Variants in ARHGAP15 observed in about 807,000 individuals in gnomAD.
ARHGAP15 encodes rho GTPase-activating protein 15.
In ARHGAP15, 51 loss-of-function variants were observed where a neutral mutation model predicts 63.7. That is an observed-to-expected ratio of 0.80 (90% confidence interval 0.64 to 1.01). The LOEUF is 1.01. Among genes scored for constraint, ARHGAP15 ranks in the 50% least tolerant of loss-of-function variants. The pLI, the probability that ARHGAP15 is intolerant of heterozygous loss-of-function variation, is 0.00. For missense variants in ARHGAP15, 560 were observed against 564.6 expected, an observed-to-expected ratio of 0.99 and a Z score of 0.08; for synonymous variants, 191 against 193.8, an observed-to-expected ratio of 0.99 and a Z score of 0.12.
chr2:143,392,929 A>AG (rs1687597469), intron 6 of ARHGAP15, among the ~76,000 whole-genome samples: 1 of 152,178 alleles, frequency 6.6e-6, no homozygotes, highest in Non-Finnish European at 1.5e-5. Context: ...TAGATAAAAA[A>AG]AACCTCATAG....
At chr2:143,613,790 C>T (rs1006684880) in intron 11 of ARHGAP15, among the ~76,000 whole-genome samples, 3 of 152,110 alleles carry the variant, frequency 2.0e-5, no homozygotes, top group African/African-American at 7.2e-5. Context: ...TACATCAGAG[C>T]CTCTCAGCTG....
chr2:143,762,828 G>A (rs938476072), intron 13 of ARHGAP15, among the ~76,000 whole-genome samples: 1 of 152,112 alleles, frequency 6.6e-6, no homozygotes, highest in South Asian at 2.1e-4. Flanking sequence ...TTTTCGTGAA[G>A]CATATCAGAG....
chr2:143,180,085 C>T (rs995994488), intron 2 of ARHGAP15, among the ~76,000 whole-genome samples: 11 of 152,286 alleles, frequency 7.2e-5, no homozygotes, highest in Non-Finnish European at 2.9e-5. Context: ...AATAAGTCCA[C>T]AGTGAAGTTT....
intron 6 of ARHGAP15, among the ~76,000 whole-genome samples, chr2:143,291,433 G>T: frequency 9.5e-6 from 1 of 105,712 alleles, no homozygotes. Context: ...GACACACTCA[G>T]GCACATACAT....
chr2:143,146,978 T>A (rs1267282763), intron 1 of ARHGAP15, among the ~76,000 whole-genome samples: 1 of 152,034 alleles, frequency 6.6e-6, no homozygotes, highest in African/African-American at 2.4e-5. Flanking sequence ...CTTCCACATA[T>A]TTGAACCCTG....
intron 13 of ARHGAP15, among the ~76,000 whole-genome samples, chr2:143,765,109 A>ATATGTG (rs1686903069): frequency 6.8e-6 from 1 of 147,518 alleles, no homozygotes; most frequent in African/African-American, 2.5e-5. Flanking sequence ...CCTCTAAAAT[A>ATATGTG]TGTGTGTGTG....
chr2:143,213,869 T>C (rs1268419160), intron 3 of ARHGAP15, among the ~76,000 whole-genome samples: 1 of 152,248 alleles, frequency 6.6e-6, no homozygotes, highest in African/African-American at 2.4e-5. Context: ...ATGACAATGA[T>C]GTCACATTTA....
At chr2:143,655,739 A>C (rs1681400591) in intron 12 of ARHGAP15, among the ~76,000 whole-genome samples, 1 of 152,192 alleles carries the variant, frequency 6.6e-6, no homozygotes, top group African/African-American at 2.4e-5. Flanking sequence ...TAGACCAAAA[A>C]CAAGAATCAG....
At chr2:143,558,138 G>T (rs905800699) in intron 11 of ARHGAP15, among the ~76,000 whole-genome samples, 3 of 152,088 alleles carry the variant, frequency 2.0e-5, no homozygotes, top group Admixed American at 6.6e-5. Flanking sequence ...TTCCCACTTA[G>T]CTTCTATAAT....
intron 6 of ARHGAP15, among the ~76,000 whole-genome samples, chr2:143,376,036 C>T (rs1194354471): frequency 6.6e-6 from 1 of 152,216 alleles, no homozygotes; most frequent in Admixed American, 6.5e-5. Context: ...TCATCTCTGA[C>T]ATCTTCAACT....
At chr2:143,719,401 C>G (rs1313185408) in intron 13 of ARHGAP15, among the ~76,000 whole-genome samples, 1 of 152,168 alleles carries the variant, frequency 6.6e-6, no homozygotes, top group Non-Finnish European at 1.5e-5. Flanking sequence ...GATATGTTAT[C>G]TAAATCAGAA....
chr2:143,289,773 C>G (rs1682295470), intron 6 of ARHGAP15, among the ~76,000 whole-genome samples: 1 of 152,082 alleles, frequency 6.6e-6, no homozygotes, highest in Non-Finnish European at 1.5e-5. Context: ...CAATTCTTAC[C>G]TAGTGGCTTT....
At position 143,576,580 on chromosome 2, in the gene ARHGAP15, C is replaced by T. The variant is rs115328415; in HGVS notation, c.1003+20095C>T. Among the ~76,000 whole-genome samples, 1,498 of 152,092 alleles carry T rather than the reference C, an allele frequency of 9.8e-3. 12 individuals are homozygous for T. The highest frequency in any genetic ancestry group is 0.041 in the Middle Eastern group (12 of 294). ...ACATCTGAGTCTTACACTCTATCGA[C>T]GTAATCATGAACACAAATCTTTTAA... On this transcript the variant is annotated intron_variant, in intron 11 of 13. Coordinates refer to ENST00000295095, the MANE Select transcript of ARHGAP15 (RefSeq NM_018460.4).
intron 8 of ARHGAP15, among the ~76,000 whole-genome samples, chr2:143,443,447 C>T (rs1400350940): frequency 3.8e-4 from 57 of 148,872 alleles, no homozygotes; most frequent in African/African-American, 1.4e-3. Flanking sequence ...TTTTTTTCCC[C>T]AAAATAACTA....
chr2:143,719,479 T>C (rs1301014280), intron 13 of ARHGAP15, among the ~76,000 whole-genome samples: 1 of 152,112 alleles, frequency 6.6e-6, no homozygotes, highest in East Asian at 1.9e-4. Context: ...CTCAAACACA[T>C]CTCTTCTTTG....
At chr2:143,158,446 T>A (rs749589914) in intron 2 of ARHGAP15, among the ~76,000 whole-genome samples, 4 of 151,800 alleles carry the variant, frequency 2.6e-5, no homozygotes, top group Non-Finnish European at 2.9e-5. Context: ...CAGGAAAGCA[T>A]CTCAGTAAAA....
At chr2:143,516,907 A>C (rs1321305636) in intron 9 of ARHGAP15, among the ~76,000 whole-genome samples, 2 of 152,158 alleles carry the variant, frequency 1.3e-5, no homozygotes, top group African/African-American at 4.8e-5. Context: ...TACTTGGATA[A>C]AAATGCACAT....
At chr2:143,739,459 T>G (rs1240752069) in intron 13 of ARHGAP15, among the ~76,000 whole-genome samples, 2 of 152,112 alleles carry the variant, frequency 1.3e-5, no homozygotes, top group African/African-American at 4.8e-5. Context: ...ATAAGAAACT[T>G]GAGTGCAGCT....
intron 13 of ARHGAP15, among the ~76,000 whole-genome samples, chr2:143,761,424 C>G (rs971825667): frequency 6.6e-6 from 1 of 152,132 alleles, no homozygotes; most frequent in Non-Finnish European, 1.5e-5. Context: ...TTCTAATACA[C>G]CTTCATAACT....
Sources: gnomAD v4.1 joint callset for allele counts (sites outside exome capture counted in the v4.1 genomes callset) on GRCh38, gnomAD v4.1.1 for gene constraint, MANE v1.5 for transcripts, NCBI Gene and HGNC (gene_info 2026-07-23, HGNC 2026-07-21) for gene names.